The following EGLN1 variants were observed in gnomAD, a reference collection of about 807,000 sequenced individuals.
EGLN1 encodes the protein egl nine homolog 1.
A neutral mutation model predicts 38.3 loss-of-function variants in EGLN1; 17 were observed. That is an observed-to-expected ratio of 0.44 (90% CI 0.30 to 0.67). The LOEUF is 0.67. EGLN1 is among the 30% of genes least tolerant of loss of function. The pLI, the probability that EGLN1 is intolerant of heterozygous loss-of-function variation, is 0.08. For synonymous variants in EGLN1, 283 were observed against 257.5 expected (o/e 1.10, Z -0.95); for missense variants, 477 against 603.3 (o/e 0.79, Z 2.19).
chr1:231,397,827 A>T (rs1369425272), intron 1 of EGLN1, among the ~76,000 whole-genome samples: 1 of 152,214 alleles, frequency 6.6e-6, no homozygotes, highest in East Asian at 1.9e-4. Context: ...AGAAATATAC[A>T]GGGGCCAAAT....
At chr1:231,396,128 C>G (rs1410699154) in intron 1 of EGLN1, among the ~76,000 whole-genome samples, 1 of 151,670 alleles carries the variant, frequency 6.6e-6, no homozygotes, top group African/African-American at 2.4e-5. Flanking sequence ...TCTTGAACCT[C>G]TATTATTTCT....
chr1:231,396,652 C>T (rs1169684064), intron 1 of EGLN1, among the ~76,000 whole-genome samples: 1 of 152,144 alleles, frequency 6.6e-6, no homozygotes, highest in African/African-American at 2.4e-5. Flanking sequence ...GTCGAGGTTG[C>T]TCTCCAGAGC....
chr1:231,417,411 A>G (rs1376367509), intron 1 of EGLN1, among the ~76,000 whole-genome samples: 1 of 152,188 alleles, frequency 6.6e-6, no homozygotes, highest in South Asian at 2.1e-4. Context: ...TTTCCTTCAT[A>G]GTGGCGAAGA....
chr1:231,384,365 T>TA (rs529664692), intron 1 of EGLN1, among the ~76,000 whole-genome samples: 1 of 147,874 alleles, frequency 6.8e-6, no homozygotes, highest in Non-Finnish European at 1.5e-5. Context: ...AGTCAATATA[T>TA]AGCATAATAT....
intron 1 of EGLN1, among the ~76,000 whole-genome samples, chr1:231,377,068 C>G (rs960089174): frequency 6.6e-6 from 1 of 152,190 alleles, no homozygotes; most frequent in African/African-American, 2.4e-5. Context: ...TTGAGAATAT[C>G]AGTTTCAAGT....
At chr1:231,374,129 G>A (rs1383636399) in intron 1 of EGLN1, 30 bp from the exon 2 acceptor site, 1 of 1,606,940 alleles carries the variant, frequency 6.2e-7, no homozygotes, top group African/African-American at 1.3e-5. Flanking sequence ...GATTATTAAA[G>A]TCCATGTATA....
At chr1:231,402,880 C>T (rs1469207069) in intron 1 of EGLN1, among the ~76,000 whole-genome samples, 2 of 150,562 alleles carry the variant, frequency 1.3e-5, no homozygotes, top group African/African-American at 2.4e-5. Context: ...AAAAACCTAG[C>T]CAGTACTGAA....
chr1:231,386,689 C>CA (rs1688217084), intron 1 of EGLN1, among the ~76,000 whole-genome samples: 1 of 152,060 alleles, frequency 6.6e-6, no homozygotes, highest in African/African-American at 2.4e-5. Context: ...CACAGGCACT[C>CA]AAATATCTAC....
intron 1 of EGLN1, among the ~76,000 whole-genome samples, chr1:231,417,096 T>C (rs1192257200): frequency 1.3e-5 from 2 of 152,216 alleles, no homozygotes; most frequent in Admixed American, 1.3e-4. Context: ...AGGGCTCTCT[T>C]CCTGGGTCAG....
At chr1:231,409,508 G>A (rs1050734258) in intron 1 of EGLN1, among the ~76,000 whole-genome samples, 13 of 152,094 alleles carry the variant, frequency 8.5e-5, no homozygotes, top group African/African-American at 3.1e-4. Flanking sequence ...AAGTTCACAG[G>A]ATCAATTTTA....
At chr1:231,419,851 G>C (rs1300885949) in intron 1 of EGLN1, among the ~76,000 whole-genome samples, 1 of 152,164 alleles carries the variant, frequency 6.6e-6, no homozygotes, top group Non-Finnish European at 1.5e-5. Context: ...TGTCAAAGTA[G>C]ATGATCTGAC....
At chr1:231,404,043 C>A (rs1688728073) in intron 1 of EGLN1, among the ~76,000 whole-genome samples, 1 of 151,988 alleles carries the variant, frequency 6.6e-6, no homozygotes, top group East Asian at 1.9e-4. Flanking sequence ...TAATTTTATA[C>A]AATGTCAACA....
chr1:231,402,820 A>G (rs1334175181), intron 1 of EGLN1, among the ~76,000 whole-genome samples: 3 of 151,842 alleles, frequency 2.0e-5, no homozygotes, highest in Non-Finnish European at 2.9e-5. Flanking sequence ...TTTTTTCCAC[A>G]TAGATAGCCA....
intron 4 of EGLN1, 26 bp downstream of exon 4, chr1:231,367,543 A>G: frequency 6.2e-7 from 1 of 1,612,332 alleles, no homozygotes; most frequent in Non-Finnish European, 8.5e-7. Flanking sequence ...CTGTACCAAT[A>G]TATCCTGGCC....
intron 1 of EGLN1, among the ~76,000 whole-genome samples, chr1:231,415,539 G>A (rs958903423): frequency 2.0e-5 from 3 of 152,124 alleles, no homozygotes; most frequent in African/African-American, 7.2e-5. Flanking sequence ...TTTATCGGAG[G>A]GGAATGAGAC....
chr1:231,385,030 C>G (rs975853837), intron 1 of EGLN1, among the ~76,000 whole-genome samples: 1 of 152,108 alleles, frequency 6.6e-6, no homozygotes, highest in African/African-American at 2.4e-5. Context: ...TGTGGTACAA[C>G]GATCACTTGG....
At position 231,366,390 on chromosome 1, in the gene EGLN1, G is replaced by C. The variant is rs199612416; in HGVS notation, c.*21C>G. 1,661 of 1,611,514 alleles carry C rather than the reference G, an allele frequency of 1.0e-3. 4 individuals are homozygous for C. The highest frequency in any genetic ancestry group is 2.3e-3 in the Admixed American group (135 of 59,980). On this transcript the variant is annotated 3_prime_UTR_variant, in exon 5 of 5. Transcript: ENST00000366641. ...GTTAACAATATTGTAGGTGAAGTGG[G>C]GTATTGCTGGATCAAAGGCTCTAGA...
intron 3 of EGLN1, 68 bp downstream of exon 3, chr1:231,370,494 G>C: frequency 1.3e-6 from 2 of 1,553,330 alleles, no homozygotes; most frequent in Non-Finnish European, 1.8e-6. Flanking sequence ...AAGCTTTCAC[G>C]TTTACTCTAC....
chr1:231,387,019 G>A (rs529834973), intron 1 of EGLN1, among the ~76,000 whole-genome samples: 1 of 151,966 alleles, frequency 6.6e-6, no homozygotes, highest in East Asian at 1.9e-4. Flanking sequence ...ATCACACCCA[G>A]CTAATTTTTT....
Sources: allele counts gnomAD v4.1 joint callset (sites outside exome capture counted in the v4.1 genomes callset), GRCh38; gene constraint gnomAD v4.1.1; transcripts MANE v1.5; gene names NCBI Gene and HGNC (gene_info 2026-07-23, HGNC 2026-07-21).